The following UBA6 variants were observed in gnomAD, a reference collection of about 807,000 sequenced individuals.
UBA6 encodes the protein ubiquitin like modifier activating enzyme 6.
Under a neutral mutation model 148.3 loss-of-function variants are expected in UBA6, and 87 were observed. The ratio of observed to expected loss-of-function variants is 0.59; its 90% CI spans 0.49 to 0.70. The LOEUF (loss-of-function observed/expected upper bound fraction) is 0.70, where lower values mean the gene tolerates loss of function less well. Among genes scored for constraint, UBA6 ranks in the 30% least tolerant of loss-of-function variants. UBA6 has a pLI of 0.00. For synonymous variants in UBA6, 376 were observed against 401.0 expected (o/e 0.94, Z 0.75); for missense variants, 1,186 against 1,241.2 (o/e 0.96, Z 0.67).
intron 1 of UBA6, among the ~76,000 whole-genome samples, chr4:67,697,054 G>A (rs1730858931): frequency 1.3e-5 from 2 of 152,070 alleles, no homozygotes; most frequent in Non-Finnish European, 2.9e-5. Flanking sequence ...TACCGAGACT[G>A]GAGTGCAGAG....
chr4:67,624,667 T>C (rs4860855), intron 29 of UBA6, among the ~76,000 whole-genome samples: 3,273 of 152,172 alleles, frequency 0.022, 103 homozygotes, highest in East Asian at 0.11. Context: ...TCATTATGAA[T>C]AAAGATTAGG....
At chr4:67,649,707 G>T (rs915154621) in intron 13 of UBA6, among the ~76,000 whole-genome samples, 5 of 152,094 alleles carry the variant, frequency 3.3e-5, no homozygotes, top group Non-Finnish European at 7.4e-5. Flanking sequence ...AATACACTTA[G>T]AGATAATGTT....
chr4:67,666,514 T>A (rs1177612320), intron 9 of UBA6, among the ~76,000 whole-genome samples: 1 of 152,064 alleles, frequency 6.6e-6, no homozygotes, highest in Non-Finnish European at 1.5e-5. Flanking sequence ...TTTAACCCTA[T>A]TTAAACATAT....
At chr4:67,695,749 C>T (rs1249446106) in intron 2 of UBA6, among the ~76,000 whole-genome samples, 1 of 152,138 alleles carries the variant, frequency 6.6e-6, no homozygotes. Context: ...AAGAAATCAT[C>T]TTTAAAATAA....
chr4:67,679,234 T>C (rs1317568820), intron 4 of UBA6, among the ~76,000 whole-genome samples: 1 of 152,068 alleles, frequency 6.6e-6, no homozygotes, highest in Non-Finnish European at 1.5e-5. Context: ...TGTATGTGTG[T>C]ATGCATTTAC....
intron 26 of UBA6, among the ~76,000 whole-genome samples, chr4:67,629,471 AGCTTT>A (rs1728947754): frequency 6.6e-6 from 1 of 151,884 alleles, no homozygotes; most frequent in Non-Finnish European, 1.5e-5. Context: ...TAATTCCCTT[AGCTTT>A]ATGTTTTATG....
intron 2 of UBA6, among the ~76,000 whole-genome samples, chr4:67,685,489 T>C (rs914929021): frequency 6.6e-6 from 1 of 152,212 alleles, no homozygotes; most frequent in African/African-American, 2.4e-5. Flanking sequence ...AGTTGATGTT[T>C]GAACAAGTTC....
chr4:67,660,703 C>T (rs895338941), intron 13 of UBA6, among the ~76,000 whole-genome samples: 2 of 152,222 alleles, frequency 1.3e-5, no homozygotes, highest in African/African-American at 4.8e-5. Context: ...CCCATTGGCA[C>T]TGCCTAGTAG....
At chr4:67,694,525 G>A (rs1577844794) in intron 2 of UBA6, among the ~76,000 whole-genome samples, 1 of 151,136 alleles carries the variant, frequency 6.6e-6, no homozygotes, top group East Asian at 2.0e-4. Context: ...CCGACTAGCT[G>A]GGATTACAGG....
chr4:67,679,322 A>G (rs1232387195), intron 4 of UBA6, among the ~76,000 whole-genome samples: 1 of 152,156 alleles, frequency 6.6e-6, no homozygotes, highest in Non-Finnish European at 1.5e-5. Context: ...AAACAAGGTA[A>G]CAAGAAGCTA....
At position 67,661,868 on chromosome 4, in the gene UBA6, T is replaced by A. The variant is rs199877323; in HGVS notation, c.1104+321A>T. ...AAAGCTAACATATATAAGTTTAAGT[T>A]AACAAATCAAGTAAATCATAACAGA... On this transcript the variant is annotated intron_variant, in intron 13 of 32. Transcript: ENST00000322244. 5.3e-4 allele frequency: 177 copies of A among 333,726 alleles called. No homozygotes were observed. The Middle Eastern group carries it at 7.3e-3, about 14-fold the overall frequency. 20.7% of individuals were successfully genotyped at this position (333,726 alleles called of 1,614,324 possible). A position where few individuals can be genotyped will look rare whatever the true frequency, so the allele number is the denominator to read the frequency against.
chr4:67,634,635 C>G (rs1319799511), intron 20 of UBA6, 117 bp from the exon 21 acceptor site: 3 of 644,258 alleles, frequency 4.7e-6, no homozygotes. Context: ...TAAAATCCAA[C>G]CAGACATTTT....
intron 30 of UBA6, among the ~76,000 whole-genome samples, 169 bp downstream of exon 30, chr4:67,623,957 T>G (rs1234838998): frequency 1.3e-5 from 2 of 152,046 alleles, no homozygotes; most frequent in African/African-American, 4.8e-5. Flanking sequence ...GCTACTTTAG[T>G]CAGAAATATT....
chr4:67,689,216 C>T (rs1474786903), intron 2 of UBA6, among the ~76,000 whole-genome samples: 5 of 152,088 alleles, frequency 3.3e-5, no homozygotes, highest in East Asian at 1.9e-4. Flanking sequence ...ATCTAAGATA[C>T]GCTAGGCTAA....
chr4:67,669,732 A>T (rs1188520859), intron 8 of UBA6, among the ~76,000 whole-genome samples: 1 of 152,168 alleles, frequency 6.6e-6, no homozygotes, highest in Non-Finnish European at 1.5e-5. Context: ...GAAATATAAC[A>T]AATTAGAAAT....
At chr4:67,642,210 C>T (rs556520053) in intron 17 of UBA6, among the ~76,000 whole-genome samples, 14 of 152,042 alleles carry the variant, frequency 9.2e-5, no homozygotes, top group African/African-American at 3.4e-4. Flanking sequence ...CTGGACTGAC[C>T]AAGTTTTCTT....
chr4:67,653,136 C>T (rs1223236548), intron 13 of UBA6, among the ~76,000 whole-genome samples: 3 of 152,236 alleles, frequency 2.0e-5, no homozygotes, highest in Non-Finnish European at 1.5e-5. Context: ...CTTCTGCAGA[C>T]TTAAATGTCC....
At position 67,634,105 on chromosome 4, in the gene UBA6, G is replaced by A. The variant is rs1729066964; in HGVS notation, c.2013+137C>T. The A allele has an allele frequency of 1.1e-5, 6 of 563,964 alleles. 1 individual carries two copies. In the South Asian group the frequency reaches 2.2e-4, roughly 21 times the overall value. 34.9% of individuals were successfully genotyped at this position (563,964 alleles called of 1,614,324 possible). On this transcript the variant is annotated intron_variant, in intron 22 of 32. Transcript: ENST00000322244. ...ATGATAATTTGTGACCTAATTTCAA[G>A]ATTCCTTATGTATCATTTCATTTTT...
chr4:67,700,766 A>G (rs918296588), intron 1 of UBA6, among the ~76,000 whole-genome samples: 3 of 152,140 alleles, frequency 2.0e-5, no homozygotes, highest in African/African-American at 7.2e-5. Flanking sequence ...GAGCCCCCCA[A>G]GTCTGGTGAC....
Sources: gnomAD v4.1 joint callset for allele counts (sites outside exome capture counted in the v4.1 genomes callset) on GRCh38, gnomAD v4.1.1 for gene constraint, MANE v1.5 for transcripts, NCBI Gene and HGNC (gene_info 2026-07-23, HGNC 2026-07-21) for gene names.